Variants in RASSF5 observed in about 807,000 individuals in gnomAD.
RASSF5 encodes ras association domain-containing protein 5.
A neutral mutation model predicts 40.5 loss-of-function variants in RASSF5; 25 were observed. That is an observed-to-expected ratio of 0.62 (90% CI 0.45 to 0.86). The LOEUF is 0.86. RASSF5 is among the 40% of genes least tolerant of loss of function. RASSF5 has a pLI of 0.00. For missense variants in RASSF5, 521 were observed against 572.8 expected, an observed-to-expected ratio of 0.91 and a Z score of 0.92; for synonymous variants, 246 against 252.4, an observed-to-expected ratio of 0.97 and a Z score of 0.24.
chr1:206,524,803 C>T (rs782135110), intron 1 of RASSF5, among the ~76,000 whole-genome samples: 7 of 149,526 alleles, frequency 4.7e-5, no homozygotes, highest in South Asian at 2.1e-4. Context: ...AGTTGAAGCA[C>T]GGATTGCTAA....
chr1:206,574,142 CT>C (rs1180937519), intron 2 of RASSF5, among the ~76,000 whole-genome samples: 1 of 152,258 alleles, frequency 6.6e-6, no homozygotes, highest in Non-Finnish European at 1.5e-5. Context: ...CCCACTCTAG[CT>C]GAGCTGTGCA....
intron 2 of RASSF5, among the ~76,000 whole-genome samples, chr1:206,541,251 T>C (rs1472785541): frequency 6.6e-6 from 1 of 152,174 alleles, no homozygotes; most frequent in Non-Finnish European, 1.5e-5. Flanking sequence ...GAGAGAACCA[T>C]TCTTTATTAA....
chr1:206,508,481 G>A (rs1344530448), intron 1 of RASSF5, among the ~76,000 whole-genome samples: 5 of 152,128 alleles, frequency 3.3e-5, no homozygotes, highest in Admixed American at 6.5e-5. Flanking sequence ...TGAGATGACC[G>A]TTTGACCCTT....
chr1:206,577,938 A>G (rs1214465583), intron 2 of RASSF5, among the ~76,000 whole-genome samples: 1 of 152,186 alleles, frequency 6.6e-6, no homozygotes, highest in Non-Finnish European at 1.5e-5. Context: ...GGTTAATGTA[A>G]GCAGCCAGGC....
chr1:206,517,500 C>G (rs1666781156), intron 1 of RASSF5, among the ~76,000 whole-genome samples: 4 of 152,054 alleles, frequency 2.6e-5, no homozygotes. Flanking sequence ...ACAAGTGTCC[C>G]TCCTTCATGT....
chr1:206,537,352 A>G (rs939993814), intron 1 of RASSF5, among the ~76,000 whole-genome samples: 1 of 152,230 alleles, frequency 6.6e-6, no homozygotes, highest in Admixed American at 6.5e-5. Flanking sequence ...TTTCAGCTGC[A>G]TTCAGAGTAG....
chr1:206,550,328 T>C (rs1341748527), intron 2 of RASSF5, among the ~76,000 whole-genome samples: 6 of 152,250 alleles, frequency 3.9e-5, no homozygotes, highest in Non-Finnish European at 8.8e-5. Context: ...GTTCTAATCC[T>C]GATTCGTACT....
At chr1:206,523,001 A>T (rs562252421) in intron 1 of RASSF5, among the ~76,000 whole-genome samples, 6 of 152,258 alleles carry the variant, frequency 3.9e-5, no homozygotes, top group African/African-American at 1.4e-4. Flanking sequence ...TGTTATAAAC[A>T]TTGCATGTAT....
At chr1:206,523,782 A>G (rs1572298589) in intron 1 of RASSF5, among the ~76,000 whole-genome samples, 1 of 102,970 alleles carries the variant, frequency 9.7e-6, no homozygotes, top group East Asian at 2.4e-4. Context: ...TATATTATAT[A>G]TAATATATTT....
At chr1:206,563,522 CCTT>C (rs1453291906) in intron 2 of RASSF5, among the ~76,000 whole-genome samples, 1 of 152,134 alleles carries the variant, frequency 6.6e-6, no homozygotes, top group East Asian at 1.9e-4. Flanking sequence ...GCATCTGAAA[CCTT>C]CAGTGTTGCA....
At position 206,587,995 on chromosome 1, in the gene RASSF5, A is replaced by C. The variant is rs1436908680; in HGVS notation, c.*1017A>C. 1 of 152,928 alleles carries C rather than the reference A, an allele frequency of 6.5e-6. No individual in the cohort carries two copies. Among genetic ancestry groups the C allele is most frequent in the East Asian group, 1.9e-4 (1 of 5,326 alleles). The allele number at this position is 152,928 out of a possible 1,614,324, so 9.5% of individuals were successfully genotyped here. On this transcript the variant is annotated 3_prime_UTR_variant, in exon 6 of 6. Coordinates refer to ENST00000579436, the MANE Select transcript of RASSF5 (RefSeq NM_182663.4). ...ACTCTGGGATCTCCAGGTGCTGCCC[A>C]AGGAGTTGCCTTGATTACAGAGAGG...
chr1:206,518,784 T>C (rs1666829393), intron 1 of RASSF5, among the ~76,000 whole-genome samples: 1 of 151,566 alleles, frequency 6.6e-6, no homozygotes, highest in Admixed American at 6.6e-5. Flanking sequence ...AGGCCTTGAG[T>C]GGGTAGTGGA....
rs541496326 is a variant in RASSF5 at position 206,535,517 on chromosome 1, G to A, written c.458-2655G>A. 5.3e-5 allele frequency among the ~76,000 whole-genome samples: 8 copies of A among 152,328 alleles called. No individual in the cohort carries two copies. In the East Asian group the frequency reaches 5.8e-4, roughly 11 times the overall value. ...GCCCTGGGCTTGGCATTTCCAGGAC[G>A]AGGAAGTATGAAGATGTGCTTCAGA... On this transcript the variant is annotated intron_variant, in intron 1 of 5. Transcript: ENST00000579436. This position sits in a 1 kb window ranked among gnomAD's most constrained non-coding sequence, Gnocchi z 5.0.
chr1:206,523,709 ATTATAC>A (rs1666990057), intron 1 of RASSF5, among the ~76,000 whole-genome samples: 4 of 66,920 alleles, frequency 6.0e-5, no homozygotes, highest in East Asian at 1.3e-3. Flanking sequence ...ATATTTATAT[ATTATAC>A]AATATATTTA....
In RASSF5 at chr1:206,579,520, CT is replaced by C; in HGVS notation, c.580-3746del. Among the ~76,000 whole-genome samples the C allele has an allele frequency of 6.6e-6, 1 of 152,096 alleles. No individual in the cohort carries two copies. The highest frequency in any genetic ancestry group is 2.4e-5 in the African/African-American group (1 of 41,414). On this transcript the variant is annotated intron_variant, in intron 2 of 5. Transcript: ENST00000579436. This position sits in a 1 kb window ranked among gnomAD's most constrained non-coding sequence, Gnocchi z 4.2. ...GGCAGATAGTGCCTGTTAGGTAAAC[CT>C]TTGGGGTGTTTGTGTGTTTCTTGGC... is the stretch of plus-strand genomic sequence containing the variant.
intron 2 of RASSF5, among the ~76,000 whole-genome samples, chr1:206,553,807 C>G (rs942992569): frequency 2.0e-5 from 3 of 152,200 alleles, no homozygotes; most frequent in African/African-American, 7.2e-5. Flanking sequence ...ACTATAATTT[C>G]AGGCATGTGG....
chr1:206,582,583 C>T (rs1668936972), intron 2 of RASSF5, among the ~76,000 whole-genome samples: 1 of 152,180 alleles, frequency 6.6e-6, no homozygotes, highest in African/African-American at 2.4e-5. Flanking sequence ...GTCCCTGTGC[C>T]CAGTAGCGGT....
chr1:206,509,732 T>C (rs1553394373), intron 1 of RASSF5, among the ~76,000 whole-genome samples: 1 of 152,200 alleles, frequency 6.6e-6, no homozygotes, highest in African/African-American at 2.4e-5. Flanking sequence ...TTTTCTTTTT[T>C]TTTTTTGGTT....
chr1:206,567,404 C>T (rs1668317740), intron 2 of RASSF5, among the ~76,000 whole-genome samples: 1 of 152,110 alleles, frequency 6.6e-6, no homozygotes, highest in Non-Finnish European at 1.5e-5. Flanking sequence ...TTTTACTCTC[C>T]CAATTTAATA....
Sources: gnomAD v4.1 joint callset for allele counts (sites outside exome capture counted in the v4.1 genomes callset) on GRCh38, gnomAD v4.1.1 for gene constraint, Gnocchi (gnomAD v3.1) non-coding constraint, MANE v1.5 for transcripts, NCBI Gene and HGNC (gene_info 2026-07-23, HGNC 2026-07-21) for gene names.